The following HDDC2 variants were observed in gnomAD, a reference collection of about 807,000 sequenced individuals.
HDDC2 encodes the protein HD domain containing 2, also known as 5'-deoxynucleotidase HDDC2.
HDDC2 carries 25 observed loss-of-function variants against 25.5 expected under a neutral mutation model. The observed-to-expected ratio is 0.98, with a 90% CI of 0.72 to 1.37. The LOEUF (loss-of-function observed/expected upper bound fraction) is 1.37, where lower values mean the gene tolerates loss of function less well. Among genes scored for constraint, HDDC2 ranks in the 40% most tolerant of loss-of-function variants. HDDC2 has a pLI of 0.00. For missense variants in HDDC2, 264 were observed against 253.1 expected, an observed-to-expected ratio of 1.04 and a Z score of -0.29; for synonymous variants, 106 against 89.7, an observed-to-expected ratio of 1.18 and a Z score of -1.03.
At position 125,280,932 on chromosome 6, in the gene HDDC2, G is replaced by A. The variant is rs557027079; in HGVS notation, c.379-3692C>T. Among the ~76,000 whole-genome samples, 64 of 152,318 alleles carry A rather than the reference G, an allele frequency of 4.2e-4. 2 individuals are homozygous for A. Among genetic ancestry groups the A allele is most frequent in the African/African-American group, 1.2e-3 (51 of 41,570 alleles). Reference sequence around the variant, plus strand: ...TGGGAGACACCTCCCAGCAGGGGTCGACAGACATCTCATACAGGAGAGCTC... The same window carrying A: ...TGGGAGACACCTCCCAGCAGGGGTCAACAGACATCTCATACAGGAGAGCTC... On this transcript the variant is annotated intron_variant, in intron 4 of 5. Coordinates refer to ENST00000398153, the MANE Select transcript of HDDC2 (RefSeq NM_016063.3).
intron 4 of HDDC2, among the ~76,000 whole-genome samples, chr6:125,290,339 T>G (rs1228000067): frequency 6.6e-6 from 1 of 152,210 alleles, no homozygotes; most frequent in African/African-American, 2.4e-5. Flanking sequence ...AGAGATTAAT[T>G]GCTCAAGATC....
At chr6:125,300,464 G>C in intron 2 of HDDC2, 74 bp downstream of exon 2, 1 of 1,528,412 alleles carries the variant, frequency 6.5e-7, no homozygotes. Flanking sequence ...TTTGACATGG[G>C]TCTCAGTAGT....
chr6:125,278,771 T>C (rs1798411946), intron 4 of HDDC2: 1 of 152,160 alleles, frequency 6.6e-6, no homozygotes, highest in Non-Finnish European at 1.5e-5. Flanking sequence ...AGAGACGTTA[T>C]AGGAATCTGG....
chr6:125,284,132 C>T (rs149113129), intron 4 of HDDC2, among the ~76,000 whole-genome samples: 1,651 of 152,176 alleles, frequency 0.011, 28 homozygotes, highest in African/African-American at 0.038. Context: ...GAAACTGGAC[C>T]CTTTCCTTAC....
chr6:125,298,973 C>A lies in HDDC2; in HGVS notation c.207-157G>T, dbSNP rs1211807012. 5.9e-5 allele frequency among the ~76,000 whole-genome samples: 9 copies of A among 152,170 alleles called. No individual in the cohort carries two copies. In the East Asian group the frequency reaches 1.7e-3, roughly 29 times the overall value. On this transcript the variant is annotated intron_variant, in intron 2 of 5. Coordinates refer to ENST00000398153, the MANE Select transcript of HDDC2 (RefSeq NM_016063.3). ...TTCTAAAGTAGTTATATTCTGCCAG[C>A]CTACAACAGTTCTGATCAAAACTGT...
chr6:125,301,764 G>A (rs904120060), intron 1 of HDDC2, 85 bp downstream of exon 1: 9 of 1,016,112 alleles, frequency 8.9e-6, no homozygotes, highest in Admixed American at 2.5e-5. Context: ...GGCAAAGACC[G>A]CCGGCCGAGC....
chr6:125,282,431 G>A (rs1165919370), intron 4 of HDDC2, among the ~76,000 whole-genome samples: 1 of 152,030 alleles, frequency 6.6e-6, no homozygotes, highest in Non-Finnish European at 1.5e-5. Flanking sequence ...CATAAGTGAA[G>A]GAGAAATAAA....
chr6:125,296,625 T>C (rs1375163355), intron 3 of HDDC2, among the ~76,000 whole-genome samples: 1 of 152,214 alleles, frequency 6.6e-6, no homozygotes, highest in Admixed American at 6.5e-5. Flanking sequence ...TGGTTTCTTG[T>C]CCAAGAACTT....
At chr6:125,299,135 A>C (rs2115118691) in intron 2 of HDDC2, among the ~76,000 whole-genome samples, 1 of 152,348 alleles carries the variant, frequency 6.6e-6, no homozygotes, top group South Asian at 2.1e-4. Context: ...CTGTCATACC[A>C]GCACTTTGGG....
intron 4 of HDDC2, among the ~76,000 whole-genome samples, chr6:125,287,343 C>T (rs1798554212): frequency 6.6e-6 from 1 of 151,884 alleles, no homozygotes; most frequent in Non-Finnish European, 1.5e-5. Context: ...GAGGGTGTTT[C>T]GATTGGGGCA....
intron 2 of HDDC2, among the ~76,000 whole-genome samples, chr6:125,299,667 T>C (rs1218261377): frequency 2.6e-5 from 4 of 152,230 alleles, no homozygotes; most frequent in African/African-American, 9.6e-5. Context: ...TGCATCTCTA[T>C]TGGACTTCAT....
chr6:125,296,024 T>C (rs911848948), intron 3 of HDDC2, among the ~76,000 whole-genome samples: 2 of 151,970 alleles, frequency 1.3e-5, no homozygotes, highest in Non-Finnish European at 2.9e-5. Flanking sequence ...CCTACTTTTC[T>C]CCAAAACAAT....
chr6:125,293,755 C>T (rs1252838278), intron 3 of HDDC2, among the ~76,000 whole-genome samples: 1 of 152,158 alleles, frequency 6.6e-6, no homozygotes, highest in East Asian at 1.9e-4. Flanking sequence ...AGTGACCCCG[C>T]TGGGCTGGAC....
chr6:125,275,463 C>T lies in HDDC2; in HGVS notation c.*683G>A, dbSNP rs183475296. 6.6e-6 allele frequency: 1 copy of T among 152,286 alleles called. No individual in the cohort carries two copies. Among genetic ancestry groups the T allele is most frequent in the Admixed American group, 6.5e-5 (1 of 15,308 alleles). The allele number at this position is 152,286 out of a possible 1,614,324, so 9.4% of individuals were successfully genotyped here. The stretch of plus-strand genomic sequence containing the variant: ...TATATTTCTCACCTGATGATACATG[C>T]TTTTACAATAAAGGTCTCAAGATTT... On this transcript the variant is annotated 3_prime_UTR_variant, in exon 6 of 6. Transcript: ENST00000398153.
chr6:125,280,162 A>G (rs528901574), intron 4 of HDDC2, among the ~76,000 whole-genome samples: 22 of 152,146 alleles, frequency 1.4e-4, no homozygotes, highest in Non-Finnish European at 2.9e-4. Context: ...CCCCTAGCCA[A>G]TGGAACTCAT....
At chr6:125,287,776 G>GA (rs1798562889) in intron 4 of HDDC2, among the ~76,000 whole-genome samples, 1 of 151,828 alleles carries the variant, frequency 6.6e-6, no homozygotes, top group South Asian at 2.1e-4. Flanking sequence ...TTTGAAAAAA[G>GA]AAACAGCCAG....
chr6:125,276,982 T>C, intron 5 of HDDC2, 120 bp downstream of exon 5: 3 of 928,758 alleles, frequency 3.2e-6, no homozygotes, highest in South Asian at 3.4e-5. Flanking sequence ...TCTTTTTAGA[T>C]GCTCCACATG....
chr6:125,297,811 C>T (rs1798726622), intron 3 of HDDC2, among the ~76,000 whole-genome samples: 1 of 152,188 alleles, frequency 6.6e-6, no homozygotes, highest in Non-Finnish European at 1.5e-5. Context: ...TTTCCAGCTT[C>T]TGCTTCAAAC....
chr6:125,301,949 G>A lies in HDDC2; in HGVS notation c.-17C>T, dbSNP rs746962582. On this transcript the variant is annotated 5_prime_UTR_variant, in exon 1 of 6. Transcript: ENST00000398153. ...CGAAGCCATGCGGCCACCGACCCCG[G>A]CTGGGCGGAGCAGGCCGCGGCGAAG... 4 of 1,543,014 alleles carry A rather than the reference G, an allele frequency of 2.6e-6. No homozygotes were observed. The highest frequency in any genetic ancestry group is 3.9e-5 in the Admixed American group (2 of 50,964).
Sources: allele counts gnomAD v4.1 joint callset (sites outside exome capture counted in the v4.1 genomes callset), GRCh38; gene constraint gnomAD v4.1.1; transcripts MANE v1.5; gene names NCBI Gene and HGNC (gene_info 2026-07-23, HGNC 2026-07-21).